MARK3: variants seen among roughly 807,000 people sequenced by gnomAD.
The protein encoded by MARK3 is MAP/microtubule affinity-regulating kinase 3.
Under a neutral mutation model 90.1 loss-of-function variants are expected in MARK3, and 46 were observed. The ratio of observed to expected loss-of-function variants is 0.51; its 90% CI spans 0.40 to 0.65. The LOEUF is 0.65. Among genes scored for constraint, MARK3 ranks in the 30% least tolerant of loss-of-function variants. The pLI is 0.00. For missense variants in MARK3, 818 were observed against 947.2 expected (o/e 0.86, Z 1.79); for synonymous variants, 321 against 332.6 (o/e 0.97, Z 0.38).
Position 103,467,119 on chromosome 14 carries a change from A to G in MARK3, c.1038A>G (p.Gln346=), listed in dbSNP as rs371547672. The G allele has an allele frequency of 8.8e-6, 14 of 1,596,698 alleles. No individual in the cohort carries two copies. Among genetic ancestry groups the G allele is most frequent in the Non-Finnish European group, 1.0e-5 (12 of 1,166,342 alleles). The change falls in exon 11 of 18, where the codon CAA becomes CAG. Residue 346 remains glutamine, a synonymous_variant. Transcript: ENST00000429436. ...TGGGATATTCACAAGAAGAAATTCA[A>G]GAATCTCTTAGTAAGATGAAATACG... ...VGMGYSQEEI[Q]ESLSKMKYDE...
chr14:103,440,778 T>C (rs2092830649), intron 3 of MARK3, among the ~76,000 whole-genome samples: 2 of 143,032 alleles, frequency 1.4e-5, no homozygotes, highest in East Asian at 4.0e-4. Context: ...TACAAAAAGA[T>C]TTTTTTTTTT....
chr14:103,386,130 G>T lies in MARK3; in HGVS notation c.51+50G>T, dbSNP rs561038267. On this transcript the variant is annotated intron_variant, in intron 1 of 17. Coordinates refer to ENST00000429436, the MANE Select transcript of MARK3 (RefSeq NM_001128918.3). ...GGCGGACCTTCGGGGTGGCATTCGT[G>T]CTCCTCGGGCAGTGCCTTGCAGTCG... 5 of 1,558,562 alleles carry T rather than the reference G, an allele frequency of 3.2e-6. No homozygotes were observed. In the Admixed American group the frequency reaches 5.0e-5, roughly 16 times the overall value.
At chr14:103,483,332 A>G (rs1237044536) in intron 14 of MARK3, among the ~76,000 whole-genome samples, 1 of 152,172 alleles carries the variant, frequency 6.6e-6, no homozygotes, top group East Asian at 1.9e-4. Context: ...TTTCTTCTTT[A>G]TATGAGTGTT....
intron 3 of MARK3, among the ~76,000 whole-genome samples, chr14:103,433,161 C>G (rs570621972): frequency 1.5e-3 from 221 of 149,404 alleles, no homozygotes; most frequent in Non-Finnish European, 2.7e-3. Flanking sequence ...TTTTGGCTCA[C>G]TGCAACCTCT....
chr14:103,386,950 G>T (rs561953923), intron 1 of MARK3, among the ~76,000 whole-genome samples: 50 of 152,292 alleles, frequency 3.3e-4, no homozygotes, highest in Non-Finnish European at 5.0e-4. Context: ...TTGAAGAAAC[G>T]TTTGACTCTG....
chr14:103,449,684 G>A (rs1327231910), intron 4 of MARK3, among the ~76,000 whole-genome samples: 1 of 152,156 alleles, frequency 6.6e-6, no homozygotes, highest in East Asian at 1.9e-4. Context: ...TAGAGTAACT[G>A]TAGAAACAAG....
chr14:103,415,155 A>C (rs75458268), intron 2 of MARK3, among the ~76,000 whole-genome samples: 14 of 149,416 alleles, frequency 9.4e-5, no homozygotes, highest in Non-Finnish European at 2.1e-4. Flanking sequence ...TGTCTCAAAA[A>C]AAAAAAAAAA....
intron 14 of MARK3, among the ~76,000 whole-genome samples, chr14:103,484,031 A>G (rs3742458): frequency 0.33 from 50,833 of 152,012 alleles, 8,854 homozygotes; most frequent in Middle Eastern, 0.47. Context: ...TAAACCACCT[A>G]CATAGCAGAG....
At position 103,432,907 on chromosome 14, in the gene MARK3, CT is replaced by C. The variant is rs545320131; in HGVS notation, c.297+4475del. On this transcript the variant is annotated intron_variant, in intron 3 of 17. Transcript: ENST00000429436. ...GAGTGTATTGGTCCTTTCAGAATTC[CT>C]TTTTTTTGTAAGGCAGGGACAGGGA... is the stretch of plus-strand genomic sequence containing the variant. 9.2e-5 allele frequency among the ~76,000 whole-genome samples: 14 copies of C among 151,818 alleles called. No individual in the cohort carries two copies. In the East Asian group the frequency reaches 1.7e-3, roughly 19 times the overall value.
intron 3 of MARK3, among the ~76,000 whole-genome samples, chr14:103,436,048 A>C (rs1356693500): frequency 2.6e-5 from 4 of 151,590 alleles, no homozygotes; most frequent in Non-Finnish European, 4.4e-5. Flanking sequence ...CCGCTGCCAC[A>C]CCCAGCTAAT....
chr14:103,398,125 CAT>C (rs771095688), intron 1 of MARK3, among the ~76,000 whole-genome samples: 4 of 152,142 alleles, frequency 2.6e-5, no homozygotes, highest in South Asian at 4.1e-4. Flanking sequence ...CAGAGGTGCA[CAT>C]GTTAATTTTC....
intron 3 of MARK3, among the ~76,000 whole-genome samples, chr14:103,442,708 GT>G (rs1273920232): frequency 3.0e-4 from 45 of 152,208 alleles, no homozygotes; most frequent in African/African-American, 1.1e-3. Flanking sequence ...ATAATAAGCT[GT>G]GTGTCAGAAC....
intron 5 of MARK3, among the ~76,000 whole-genome samples, chr14:103,453,152 G>A (rs1337161601): frequency 1.3e-5 from 2 of 152,156 alleles, no homozygotes; most frequent in African/African-American, 2.4e-5. Context: ...TCTGAAATGC[G>A]TGTTTATAGC....
intron 17 of MARK3, among the ~76,000 whole-genome samples, chr14:103,500,727 A>G (rs1040943430): frequency 6.6e-6 from 1 of 151,336 alleles, no homozygotes; most frequent in Non-Finnish European, 1.5e-5. Context: ...GGCTTATGCG[A>G]TCCTCCCACC....
At chr14:103,499,645 CTAT>C (rs1346338890) in intron 16 of MARK3, 2 of 152,704 alleles carry the variant, frequency 1.3e-5, no homozygotes, top group Admixed American at 1.3e-4. Flanking sequence ...CAGTTCCATT[CTAT>C]TATTATTTTT....
At chr14:103,471,411 G>T (rs1372623382) in intron 12 of MARK3, among the ~76,000 whole-genome samples, 1 of 152,148 alleles carries the variant, frequency 6.6e-6, no homozygotes, top group Non-Finnish European at 1.5e-5. Context: ...GTCTCCCAAG[G>T]TTACATAGTA....
chr14:103,407,214 G>A (rs1374855024), intron 2 of MARK3, among the ~76,000 whole-genome samples: 1 of 152,146 alleles, frequency 6.6e-6, no homozygotes, highest in East Asian at 1.9e-4. Flanking sequence ...TTTAAAAATA[G>A]GTAATGTTTT....
chr14:103,501,639 C>G (rs187365717), intron 17 of MARK3, among the ~76,000 whole-genome samples: 1 of 151,814 alleles, frequency 6.6e-6, no homozygotes, highest in Admixed American at 6.6e-5. Context: ...CGTGCTGTTT[C>G]CTCCTTGTCT....
chr14:103,477,665 T>A (rs1009602613), intron 13 of MARK3, among the ~76,000 whole-genome samples: 2 of 152,042 alleles, frequency 1.3e-5, no homozygotes, highest in Non-Finnish European at 2.9e-5. Flanking sequence ...GTCTTTAGTT[T>A]CAGAACTTTT....
Sources: gnomAD v4.1 joint callset for allele counts (sites outside exome capture counted in the v4.1 genomes callset) on GRCh38, gnomAD v4.1.1 for gene constraint, MANE v1.5 for transcripts, NCBI Gene and HGNC (gene_info 2026-07-23, HGNC 2026-07-21) for gene names.